Variants in EPG5 observed in about 807,000 individuals in gnomAD.
EPG5 encodes the protein ectopic P granules protein 5 homolog.
In EPG5, 159 loss-of-function variants were observed where a neutral mutation model predicts 302.7. The ratio of observed to expected loss-of-function variants is 0.53; its 90% CI spans 0.46 to 0.60. EPG5 has a LOEUF of 0.60. Among genes scored for constraint, EPG5 ranks in the 20% least tolerant of loss-of-function variants. EPG5 has a pLI of 0.00. For missense variants in EPG5, 2,896 were observed against 3,092.4 expected (o/e 0.94, Z 1.51); for synonymous variants, 1,158 against 1,136.8 (o/e 1.02, Z -0.37).
Position 45,865,718 on chromosome 18 carries a change from A to C in EPG5, c.6663T>G (p.Val2221=). The change falls in exon 39 of 44, where the codon GTT becomes GTG. Residue 2221 remains valine, a synonymous_variant. Coordinates refer to ENST00000282041, the MANE Select transcript of EPG5 (RefSeq NM_020964.3). ...PKCQAFTHQM[V]QFLSTLEQNG... ...TTTGTTCCAGGGTGCTGAGGAATTG[A>C]ACCATCTGATGAGTAAAAGCTTGGC... 1 of 1,613,804 alleles carries C rather than the reference A, an allele frequency of 6.2e-7. No homozygotes were observed. Among genetic ancestry groups the C allele is most frequent in the South Asian group, 1.1e-5 (1 of 91,076 alleles).
chr18:45,910,592 T>C lies in EPG5; in HGVS notation c.4134A>G (p.Glu1378=), dbSNP rs200489622. The part of the protein sequence containing the change: ...KALRVPAEGS[E]GLPESHSGTP... Reference sequence around the variant, plus strand: ...TGCCAGAGTGGCTCTCTGGCAGCCCTTCACTGCCCTCTGCTGGAACACGGA... The same window carrying C: ...TGCCAGAGTGGCTCTCTGGCAGCCCCTCACTGCCCTCTGCTGGAACACGGA... The change falls in exon 23 of 44, where the codon GAA becomes GAG. Residue 1378 remains glutamate (E), a synonymous_variant. Coordinates refer to ENST00000282041, the MANE Select transcript of EPG5 (RefSeq NM_020964.3). 875 of 1,614,094 alleles carry C rather than the reference T, an allele frequency of 5.4e-4. 2 individuals are homozygous for C. The highest frequency in any genetic ancestry group is 2.1e-3 in the South Asian group (187 of 91,074).
chr18:45,857,790 G>A (rs1245388422), intron 42 of EPG5, 63 bp downstream of exon 42: 8 of 1,342,784 alleles, frequency 6.0e-6, no homozygotes, highest in Admixed American at 1.7e-5. Flanking sequence ...ATCACAACCT[G>A]TAAGTAGGTA....
At chr18:45,917,540 G>A (rs1026797839) in intron 17 of EPG5, 139 bp downstream of exon 17, 6 of 877,102 alleles carry the variant, frequency 6.8e-6, no homozygotes, top group Non-Finnish European at 1.1e-5. Context: ...TTCTAAACTG[G>A]GGTGCAGAAT....
At chr18:45,840,334 A>C in the EPG5 span, 1 of 1,418,714 alleles carries the variant, frequency 7.0e-7, no homozygotes, top group Non-Finnish European at 9.7e-7. Context: ...TAAATGGCAA[A>C]GGGCTGGGGC....
chr18:45,949,244 C>A (rs1013254761), intron 5 of EPG5, among the ~76,000 whole-genome samples: 1 of 152,142 alleles, frequency 6.6e-6, no homozygotes, highest in Non-Finnish European at 1.5e-5. Context: ...TTAAATGCGA[C>A]TGAAACTACC....
intron 35 of EPG5, among the ~76,000 whole-genome samples, chr18:45,875,673 C>G (rs1202455370): frequency 6.6e-6 from 1 of 152,070 alleles, no homozygotes; most frequent in Non-Finnish European, 1.5e-5. Flanking sequence ...ACTCAACATG[C>G]AGGACAGGCA....
the EPG5 span, among the ~76,000 whole-genome samples, chr18:45,839,352 C>T: frequency 1.3e-5 from 2 of 152,202 alleles, no homozygotes; most frequent in Admixed American, 1.3e-4. Flanking sequence ...GATATAGAGA[C>T]CCAGACCCGG....
At chr18:45,819,246 A>G in the EPG5 span, among the ~76,000 whole-genome samples, 2,797 of 152,344 alleles carry the variant, frequency 0.018, 91 homozygotes, top group African/African-American at 0.064. Flanking sequence ...AGAATTGAGA[A>G]GAATATGTAG....
intron 40 of EPG5, 75 bp downstream of exon 40, chr18:45,860,029 A>G (rs963340071): frequency 4.5e-6 from 7 of 1,561,210 alleles, no homozygotes; most frequent in Non-Finnish European, 6.1e-6. Flanking sequence ...GTCTGGAAAC[A>G]TATCTGCTGA....
At chr18:45,831,655 G>A in the EPG5 span, among the ~76,000 whole-genome samples, 823 of 152,182 alleles carry the variant, frequency 5.4e-3, 4 homozygotes, top group Middle Eastern at 0.021. Context: ...TTCCAGGTGA[G>A]TTAAGGACAA....
At chr18:45,948,238 C>T (rs2050830187) in intron 6 of EPG5, among the ~76,000 whole-genome samples, 1 of 152,234 alleles carries the variant, frequency 6.6e-6, no homozygotes, top group African/African-American at 2.4e-5. Flanking sequence ...AGAAACAGAT[C>T]ACCTTTTTTG....
At chr18:45,898,331 C>T (rs1190842068) in intron 27 of EPG5, among the ~76,000 whole-genome samples, 1 of 152,194 alleles carries the variant, frequency 6.6e-6, no homozygotes, top group African/African-American at 2.4e-5. Flanking sequence ...ACTCTACTTC[C>T]TTACCTGAGA....
intron 18 of EPG5, 106 bp from the exon 19 acceptor site, chr18:45,916,312 C>T (rs1347849324): frequency 1.3e-6 from 2 of 1,516,356 alleles, no homozygotes; most frequent in African/African-American, 1.4e-5. Flanking sequence ...AAATCTATTG[C>T]CTTTCTTGGC....
chr18:45,942,774 T>A (rs760522480), intron 9 of EPG5, among the ~76,000 whole-genome samples: 20 of 152,106 alleles, frequency 1.3e-4, no homozygotes, highest in Non-Finnish European at 2.8e-4. Context: ...TTAAAATTAA[T>A]AAAGCAGAAA....
chr18:45,887,492 G>C (rs936597416), intron 29 of EPG5, among the ~76,000 whole-genome samples: 3 of 152,162 alleles, frequency 2.0e-5, no homozygotes, highest in Non-Finnish European at 1.5e-5. Flanking sequence ...TTATTGTTAA[G>C]AACACCAAGG....
chr18:45,895,874 T>C (rs1421073586), intron 27 of EPG5, among the ~76,000 whole-genome samples: 3 of 152,196 alleles, frequency 2.0e-5, no homozygotes, highest in Non-Finnish European at 4.4e-5. Context: ...CTATCCTCCA[T>C]TAACACCTCT....
intron 35 of EPG5, among the ~76,000 whole-genome samples, chr18:45,872,559 C>T (rs908551428): frequency 2.0e-5 from 3 of 152,108 alleles, no homozygotes; most frequent in African/African-American, 7.2e-5. Context: ...CAAAAATTAG[C>T]CAGGTGTGGT....
Position 45,916,681 on chromosome 18 carries a change from C to T in EPG5, c.3240-99G>A. 3.8e-6 allele frequency: 5 copies of T among 1,306,102 alleles called. No individual in the cohort carries two copies. The African/African-American group carries it at 4.4e-5, about 12-fold the overall frequency. 80.9% of individuals were successfully genotyped at this position (1,306,102 alleles called of 1,614,324 possible). On this transcript the variant is annotated intron_variant, in intron 17 of 43. Transcript: ENST00000282041. ...GGAAACAGAAAATTCCTAAATTGGT[C>T]CCATTTTTCGACCAAAGCACTATTT...
At chr18:45,905,310 C>T (rs1041265631) in intron 24 of EPG5, among the ~76,000 whole-genome samples, 1 of 152,114 alleles carries the variant, frequency 6.6e-6, no homozygotes, top group Admixed American at 6.5e-5. Context: ...TTTAAGTGTT[C>T]TAAAGGCCCA....
Sources: gnomAD v4.1 joint callset for allele counts (sites outside exome capture counted in the v4.1 genomes callset) on GRCh38, gnomAD v4.1.1 for gene constraint, MANE v1.5 for transcripts, NCBI Gene and HGNC (gene_info 2026-07-23, HGNC 2026-07-21) for gene names.